Variants in PDCD11 observed in about 807,000 individuals in gnomAD.
The protein encoded by PDCD11 is programmed cell death 11.
PDCD11 carries 97 observed loss-of-function variants against 198.9 expected under a neutral mutation model. The observed-to-expected ratio is 0.49, with a 90% confidence interval of 0.41 to 0.58. PDCD11 has a LOEUF of 0.58. Ranked by LOEUF, PDCD11 falls within the 20% of genes least tolerant of loss-of-function variation. PDCD11 has a pLI of 0.00. For synonymous variants in PDCD11, 893 were observed against 918.0 expected, an observed-to-expected ratio of 0.97 and a Z score of 0.49; for missense variants, 2,102 against 2,312.7, an observed-to-expected ratio of 0.91 and a Z score of 1.87.
chr10:103,415,224 CT>C (rs2133699379), intron 12 of PDCD11, 73 bp downstream of exon 12: 7 of 1,504,654 alleles, frequency 4.7e-6, no homozygotes, highest in South Asian at 1.2e-5. Flanking sequence ...AAGTTTCTGC[CT>C]TTTTCCACAA....
chr10:103,400,283 G>A (rs144244538), intron 2 of PDCD11, 114 bp from the exon 3 acceptor site: 4 of 817,426 alleles, frequency 4.9e-6, no homozygotes, highest in South Asian at 3.8e-5. Flanking sequence ...GGATGGGGTA[G>A]GGTGGAGTGA....
chr10:103,410,841 C>T (rs1004889748), intron 8 of PDCD11, among the ~76,000 whole-genome samples: 10 of 151,208 alleles, frequency 6.6e-5, no homozygotes, highest in Non-Finnish European at 1.0e-4. Context: ...TTTGGTAGGC[C>T]GAGGTGGGAG....
chr10:103,398,678 A>C (rs765204723), intron 2 of PDCD11, 150 bp downstream of exon 2: 6 of 634,438 alleles, frequency 9.5e-6, no homozygotes, highest in Non-Finnish European at 1.7e-5. Context: ...TAGAGAGGCC[A>C]TACCACCACA....
At chr10:103,409,659 C>A in intron 7 of PDCD11, 40 bp from the exon 8 acceptor site, 1 of 1,481,830 alleles carries the variant, frequency 6.7e-7, no homozygotes, top group East Asian at 2.3e-5. Flanking sequence ...CTGGTTCTTT[C>A]AAAGAACTTT....
intron 34 of PDCD11, 39 bp downstream of exon 34, chr10:103,444,107 CCAGG>C: frequency 6.4e-7 from 1 of 1,574,006 alleles, no homozygotes; most frequent in Non-Finnish European, 8.7e-7. Context: ...CATGAGCACT[CCAGG>C]ATCGGGGAGT....
chr10:103,440,096 C>G (rs2032314485), intron 28 of PDCD11, among the ~76,000 whole-genome samples, 194 bp from the exon 29 acceptor site: 1 of 152,218 alleles, frequency 6.6e-6, no homozygotes, highest in Non-Finnish European at 1.5e-5. Flanking sequence ...GGGGGCATCA[C>G]ATCTACCCCC....
At chr10:103,435,650 T>C (rs975016908) in intron 25 of PDCD11, among the ~76,000 whole-genome samples, 14 of 152,098 alleles carry the variant, frequency 9.2e-5, no homozygotes, top group Non-Finnish European at 1.8e-4. Context: ...GTAGCTAGGA[T>C]TATAGGCATG....
chr10:103,404,588 C>G (rs2030328291), intron 4 of PDCD11, among the ~76,000 whole-genome samples: 1 of 152,234 alleles, frequency 6.6e-6, no homozygotes, highest in Non-Finnish European at 1.5e-5. Context: ...CATGAGCCAC[C>G]ACACCCGACC....
Position 103,434,301 on chromosome 10 carries a change from C to T in PDCD11, c.3618C>T (p.Thr1206=), listed in dbSNP as rs200479386. The T allele has an allele frequency of 2.5e-6, 4 of 1,613,712 alleles. No individual in the cohort carries two copies. The highest frequency in any genetic ancestry group is 2.2e-5 in the East Asian group (1 of 44,872). ...KFRVGQALRA[T]VVGPDSSKTL... ...GGGTTGGCCAGGCCCTGAGGGCCAC[C>T]GTTGTTGGCCCAGATTCCTCCAAGA... is the stretch of plus-strand genomic sequence containing the variant. The change falls in exon 24 of 36, where the codon ACC becomes ACT. Residue 1206 remains threonine, a synonymous_variant. Coordinates refer to ENST00000369797, the MANE Select transcript of PDCD11 (RefSeq NM_014976.2).
intron 29 of PDCD11, 48 bp downstream of exon 29, chr10:103,440,629 A>T (rs1390596546): frequency 6.2e-7 from 1 of 1,609,448 alleles, no homozygotes; most frequent in African/African-American, 1.3e-5. Flanking sequence ...TCCTGGAGGG[A>T]CAGCCATGAG....
intron 25 of PDCD11, among the ~76,000 whole-genome samples, chr10:103,437,176 T>C (rs2032186037): frequency 6.6e-6 from 1 of 152,188 alleles, no homozygotes; most frequent in Non-Finnish European, 1.5e-5. Context: ...GGGTCTTACT[T>C]AGTTGCCCAG....
intron 9 of PDCD11, 94 bp downstream of exon 9, chr10:103,413,416 T>C: frequency 3.0e-6 from 3 of 996,624 alleles, no homozygotes; most frequent in South Asian, 1.5e-5. Context: ...TCCTTGATGC[T>C]AGTTTAAAAT....
intron 20 of PDCD11, 51 bp from the exon 21 acceptor site, chr10:103,427,278 T>A: frequency 6.6e-7 from 1 of 1,510,228 alleles, no homozygotes; most frequent in East Asian, 2.3e-5. Flanking sequence ...ACCTACAGAT[T>A]ACTGTGTTAC....
At chr10:103,417,265 A>G (rs2031163627) in intron 13 of PDCD11, among the ~76,000 whole-genome samples, 1 of 151,610 alleles carries the variant, frequency 6.6e-6, no homozygotes, top group African/African-American at 2.4e-5. Context: ...TCCACCTCCC[A>G]GGCTCAAGTG....
intron 25 of PDCD11, among the ~76,000 whole-genome samples, chr10:103,437,009 T>C (rs1442278707): frequency 6.6e-6 from 1 of 152,234 alleles, no homozygotes; most frequent in East Asian, 1.9e-4. Context: ...AGCTGATGCC[T>C]TGGGCATGAT....
chr10:103,423,574 GGTT>G lies in PDCD11; in HGVS notation c.2683_2685del (p.Val895del). 6.2e-7 allele frequency: 1 copy of G among 1,614,046 alleles called. No individual in the cohort carries two copies. Among genetic ancestry groups the G allele is most frequent in the Non-Finnish European group, 8.5e-7 (1 of 1,179,894 alleles). ...AGGTGGAATCTGGGCAGAAAAAGAA[GGTT>G]GTTATCTTAAATGTTGATCTTTTGA... is the stretch of plus-strand genomic sequence containing the variant. On this transcript the variant is annotated inframe_deletion, in exon 19 of 36. Coordinates refer to ENST00000369797, the MANE Select transcript of PDCD11 (RefSeq NM_014976.2).
rs567590991 is a variant in PDCD11, at chr10:103,403,508, C to T, written c.402+223C>T. On this transcript the variant is annotated intron_variant, in intron 4 of 35. Coordinates refer to ENST00000369797, the MANE Select transcript of PDCD11 (RefSeq NM_014976.2). ...GGTTCCCTAGATAAAGAAGGAAAGG[C>T]GTTCAGGCAGAAGCAATGTAATATA... Among the ~76,000 whole-genome samples the T allele has an allele frequency of 5.9e-5, 9 of 152,174 alleles. No individual in the cohort carries two copies. In the East Asian group the frequency reaches 1.2e-3, roughly 20 times the overall value.
At chr10:103,428,505 GGAAAAATGAAGAAACCTCTTCATATTA>G (rs781770338) in intron 21 of PDCD11, among the ~76,000 whole-genome samples, 14 of 151,986 alleles carry the variant, frequency 9.2e-5, no homozygotes, top group Non-Finnish European at 1.9e-4. Context: ...AGTCTTTGTT[GGAAAAATGAAGAAACCTCTTCATATTA>G]ATGGTTTCAG....
chr10:103,423,463 G>C, intron 18 of PDCD11, 80 bp from the exon 19 acceptor site: 1 of 1,054,662 alleles, frequency 9.5e-7, no homozygotes, highest in Non-Finnish European at 1.5e-6. Context: ...GATCTAAGGG[G>C]TAGCAGCTAC....
Sources: gnomAD v4.1 joint callset for allele counts (sites outside exome capture counted in the v4.1 genomes callset) on GRCh38, gnomAD v4.1.1 for gene constraint, MANE v1.5 for transcripts, NCBI Gene and HGNC (gene_info 2026-07-23, HGNC 2026-07-21) for gene names.